Variants in KLRF1 observed in about 807,000 individuals in gnomAD.
KLRF1 encodes killer cell lectin like receptor F1.
A neutral mutation model predicts 30.7 loss-of-function variants in KLRF1; 27 were observed. The observed-to-expected ratio is 0.88, with a 90% confidence interval of 0.65 to 1.21. The LOEUF (loss-of-function observed/expected upper bound fraction) is 1.21, where lower values mean the gene tolerates loss of function less well. KLRF1 is among the 50% of genes most tolerant of loss of function. The pLI is 0.00. For synonymous variants in KLRF1, 92 were observed against 89.3 expected (o/e 1.03, Z -0.17); for missense variants, 246 against 259.3 (o/e 0.95, Z 0.35).
At chr12:9,819,393 C>T in the KLRF1 span, among the ~76,000 whole-genome samples, 5 of 152,178 alleles carry the variant, frequency 3.3e-5, no homozygotes, top group African/African-American at 7.2e-5. Context: ...TTATACCTCC[C>T]CTGAGATGAA....
upstream of KLRF1, among the ~76,000 whole-genome samples, chr12:9,826,628 C>T (rs193039449): frequency 2.0e-5 from 3 of 152,238 alleles, no homozygotes; most frequent in East Asian, 5.8e-4. Context: ...CCTAAATGCC[C>T]ATCAATGGTA....
the KLRF1 span, among the ~76,000 whole-genome samples, chr12:9,818,927 A>T: frequency 6.6e-6 from 1 of 152,180 alleles, no homozygotes; most frequent in Non-Finnish European, 1.5e-5. Context: ...ACACATTGGG[A>T]TTCATCAAGA....
At chr12:9,801,630 G>A in the KLRF1 span, among the ~76,000 whole-genome samples, 1 of 151,944 alleles carries the variant, frequency 6.6e-6, no homozygotes, top group East Asian at 1.9e-4. Context: ...ATGTTTGTTG[G>A]CCACATAATG....
intron 3 of KLRF1, among the ~76,000 whole-genome samples, chr12:9,833,901 CTTTTTTT>C (rs35443913): frequency 1.2e-5 from 1 of 82,406 alleles, no homozygotes; most frequent in Admixed American, 1.3e-4. Flanking sequence ...AAATGTTTAA[CTTTTTTT>C]TTTTTTTTTT....
the KLRF1 span, among the ~76,000 whole-genome samples, chr12:9,818,445 T>G: frequency 1.3e-5 from 2 of 152,352 alleles, no homozygotes; most frequent in South Asian, 4.1e-4. Context: ...AATCTTTCTT[T>G]GTTGTAAAAT....
the KLRF1 span, among the ~76,000 whole-genome samples, chr12:9,808,862 A>G: frequency 6.6e-6 from 1 of 152,146 alleles, no homozygotes; most frequent in Non-Finnish European, 1.5e-5. Flanking sequence ...ATTTTCACTG[A>G]GATGTATGCC....
rs758416219 is a variant in KLRF1 at position 9,844,498 on chromosome 12, G to T, written c.668G>T (p.Ser223Ile). The change falls in exon 6 of 6, where the codon AGT becomes ATT. Residue 223 changes from serine (S) to isoleucine (I), a missense_variant. Ser to Ile is a moderately radical substitution (Grantham distance 142, BLOSUM62 -2). Transcript: ENST00000617889. ...ESKIFSETCSSVFKWICQY is the reference protein window; with the variant it reads ...ESKIFSETCSIVFKWICQY ...AAAATTTTCTCTGAAACCTGCAGCA[G>T]TGTTTTCAAATGGATTTGTCAGTAT... The T allele has an allele frequency of 1.2e-6, 2 of 1,606,322 alleles. No homozygotes were observed. The highest frequency in any genetic ancestry group is 1.1e-5 in the South Asian group (1 of 90,806).
At chr12:9,837,675 G>A (rs1867609376) in intron 3 of KLRF1, among the ~76,000 whole-genome samples, 1 of 152,084 alleles carries the variant, frequency 6.6e-6, no homozygotes, top group African/African-American at 2.4e-5. Context: ...TGCCTCATGT[G>A]ACAAAAGCTA....
intron 1 of KLRF1, among the ~76,000 whole-genome samples, chr12:9,830,996 A>G (rs1867409178): frequency 6.6e-6 from 1 of 151,556 alleles, no homozygotes; most frequent in Admixed American, 6.6e-5. Flanking sequence ...TTTGAGATGG[A>G]GTCTCGCTCT....
At chr12:9,818,765 CA>C in the KLRF1 span, among the ~76,000 whole-genome samples, 1 of 151,910 alleles carries the variant, frequency 6.6e-6, no homozygotes, top group East Asian at 1.9e-4. Context: ...CTTAGAATGC[CA>C]AAAAAATTGT....
At chr12:9,817,553 CT>C in the KLRF1 span, 2 of 343,388 alleles carry the variant, frequency 5.8e-6, no homozygotes, top group Middle Eastern at 4.2e-4. Context: ...GGACTTTGCG[CT>C]TATGAGTCCT....
intron 1 of KLRF1, among the ~76,000 whole-genome samples, 182 bp from the exon 2 acceptor site, chr12:9,832,134 A>G (rs994811001): frequency 6.6e-6 from 1 of 152,168 alleles, no homozygotes; most frequent in Non-Finnish European, 1.5e-5. Flanking sequence ...GACCATCCAG[A>G]GTGTTATCAT....
chr12:9,829,155 A>G (rs758624270), intron 1 of KLRF1, among the ~76,000 whole-genome samples: 3 of 152,332 alleles, frequency 2.0e-5, no homozygotes, highest in Admixed American at 6.5e-5. Flanking sequence ...AAGAAATTAC[A>G]TAATTGCTCT....
upstream of KLRF1, among the ~76,000 whole-genome samples, chr12:9,822,971 A>G (rs1867243937): frequency 6.6e-6 from 1 of 152,188 alleles, no homozygotes; most frequent in Non-Finnish European, 1.5e-5. Flanking sequence ...TCATAAAGCA[A>G]GTTCTTAGCT....
At chr12:9,831,516 A>G (rs1867427534) in intron 1 of KLRF1, among the ~76,000 whole-genome samples, 1 of 152,172 alleles carries the variant, frequency 6.6e-6, no homozygotes, top group African/African-American at 2.4e-5. Context: ...GAGGATTCTT[A>G]TCAATTATTA....
the KLRF1 span, among the ~76,000 whole-genome samples, chr12:9,815,437 A>G: frequency 2.0e-5 from 3 of 152,258 alleles, no homozygotes; most frequent in Admixed American, 6.5e-5. Context: ...GGATGATTCT[A>G]TCTGAGCCGC....
intron 3 of KLRF1, among the ~76,000 whole-genome samples, chr12:9,833,781 C>T (rs955919084): frequency 3.3e-4 from 50 of 151,696 alleles, no homozygotes; most frequent in Non-Finnish European, 2.6e-4. Context: ...GAAATACAGA[C>T]TGGATAAAAG....
intron 1 of KLRF1, among the ~76,000 whole-genome samples, chr12:9,831,166 AC>A (rs1478045096): frequency 6.6e-6 from 1 of 151,740 alleles, no homozygotes; most frequent in Admixed American, 6.6e-5. Context: ...TAAATATATG[AC>A]TTTTTTAAGA....
At chr12:9,804,858 A>G in the KLRF1 span, among the ~76,000 whole-genome samples, 1 of 151,974 alleles carries the variant, frequency 6.6e-6, no homozygotes. Flanking sequence ...GTGTTTTTAT[A>G]TGTCAGTTGG....
Sources: allele counts gnomAD v4.1 joint callset (sites outside exome capture counted in the v4.1 genomes callset), GRCh38; gene constraint gnomAD v4.1.1; transcripts MANE v1.5; gene names NCBI Gene and HGNC (gene_info 2026-07-23, HGNC 2026-07-21).